The following EYS variants were observed in gnomAD, a reference collection of about 807,000 sequenced individuals.
EYS encodes the protein protein eyes shut homolog.
In EYS, 250 loss-of-function variants were observed where a neutral mutation model predicts 282.1. The ratio of observed to expected loss-of-function variants is 0.89; its 90% CI spans 0.80 to 0.98. EYS has a LOEUF of 0.98. EYS is among the 50% of genes least tolerant of loss of function. The pLI is 0.00. For missense variants in EYS, 4,016 were observed against 3,709.0 expected (o/e 1.08, Z -2.15); for synonymous variants, 1,355 against 1,282.9 (o/e 1.06, Z -1.20).
Position 64,721,482 on chromosome 6 carries a change from G to A in EYS, c.3443+91896C>T, listed in dbSNP as rs142114435. Among the ~76,000 whole-genome samples the A allele has an allele frequency of 3.3e-5, 5 of 152,226 alleles. No homozygotes were observed. The East Asian group carries it at 9.7e-4, about 29-fold the overall frequency. ...GCAGGAAATGAGATTTATTCTTTGAGAACATTAATTCCATCTTTTAACTAA... is the reference window on the plus strand; with the variant it reads ...GCAGGAAATGAGATTTATTCTTTGAAAACATTAATTCCATCTTTTAACTAA... On this transcript the variant is annotated intron_variant, in intron 22 of 42. Coordinates refer to ENST00000503581, the MANE Select transcript of EYS (RefSeq NM_001142800.2).
chr6:65,236,470 G>T (rs558798296), intron 12 of EYS, among the ~76,000 whole-genome samples: 1 of 152,172 alleles, frequency 6.6e-6, no homozygotes. Context: ...AATTAGCCGG[G>T]CATGGTGGTG....
intron 13 of EYS, among the ~76,000 whole-genome samples, chr6:65,009,579 C>G (rs985053536): frequency 1.3e-5 from 2 of 152,074 alleles, no homozygotes; most frequent in Non-Finnish European, 2.9e-5. Context: ...ACTGTTTTAC[C>G]CCAAGGGTTC....
intron 12 of EYS, among the ~76,000 whole-genome samples, chr6:65,156,545 C>T (rs570059438): frequency 6.6e-6 from 1 of 151,072 alleles, no homozygotes; most frequent in Non-Finnish European, 1.5e-5. Flanking sequence ...ATAATCATTG[C>T]TGAATATTTC....
chr6:65,468,312 G>T (rs1582335663), intron 5 of EYS, among the ~76,000 whole-genome samples: 1 of 151,964 alleles, frequency 6.6e-6, no homozygotes, highest in East Asian at 1.9e-4. Context: ...GCTTTTTGGG[G>T]CAAGAATAGG....
chr6:65,183,730 T>C (rs941155116), intron 12 of EYS, among the ~76,000 whole-genome samples: 1 of 151,856 alleles, frequency 6.6e-6, no homozygotes, highest in Non-Finnish European at 1.5e-5. Context: ...TTTGATTCTC[T>C]TGAAACAAAT....
intron 2 of EYS, among the ~76,000 whole-genome samples, chr6:65,498,048 A>C (rs1048128174): frequency 6.6e-6 from 1 of 152,076 alleles, no homozygotes; most frequent in Non-Finnish European, 1.5e-5. Flanking sequence ...CGTGAAGTCC[A>C]TAAATATTGA....
intron 35 of EYS, among the ~76,000 whole-genome samples, chr6:63,920,305 T>C (rs1454366926): frequency 6.6e-6 from 1 of 152,188 alleles, no homozygotes; most frequent in East Asian, 1.9e-4. Context: ...TAAGATCTCC[T>C]ACTGGTGGAT....
At chr6:64,285,736 G>A (rs367852724) in intron 30 of EYS, among the ~76,000 whole-genome samples, 1 of 152,182 alleles carries the variant, frequency 6.6e-6, no homozygotes, top group African/African-American at 2.4e-5. Flanking sequence ...CATAATGGGA[G>A]GTGAAAGCCC....
chr6:64,086,677 T>A (rs1183078771), intron 31 of EYS, among the ~76,000 whole-genome samples: 1 of 152,204 alleles, frequency 6.6e-6, no homozygotes, highest in Non-Finnish European at 1.5e-5. Flanking sequence ...GCAACTTTTT[T>A]AGTCTATGTA....
At chr6:64,885,754 A>T (rs1440353559) in intron 19 of EYS, among the ~76,000 whole-genome samples, 1 of 151,802 alleles carries the variant, frequency 6.6e-6, no homozygotes, top group Non-Finnish European at 1.5e-5. Flanking sequence ...CTCAGGAAAG[A>T]CACCTTCATA....
chr6:64,757,879 G>A (rs962568389), intron 22 of EYS, among the ~76,000 whole-genome samples: 2 of 151,732 alleles, frequency 1.3e-5, no homozygotes, highest in African/African-American at 2.4e-5. Context: ...TCGCCTCCCG[G>A]CTTCACGCCG....
chr6:64,537,642 T>A (rs1764567923), intron 26 of EYS, among the ~76,000 whole-genome samples: 1 of 152,188 alleles, frequency 6.6e-6, no homozygotes, highest in Non-Finnish European at 1.5e-5. Context: ...TAACACATAA[T>A]CTCTCTTGTA....
At chr6:64,009,048 C>T (rs1049332665) in intron 33 of EYS, among the ~76,000 whole-genome samples, 5 of 152,096 alleles carry the variant, frequency 3.3e-5, no homozygotes, top group Admixed American at 3.3e-4. Flanking sequence ...TGAATGATAC[C>T]CTGAAATGTT....
chr6:64,479,996 T>C (rs566882200), intron 26 of EYS, among the ~76,000 whole-genome samples: 1 of 152,002 alleles, frequency 6.6e-6, no homozygotes, highest in South Asian at 2.1e-4. Flanking sequence ...TTCAGATTGG[T>C]GTGAAAATCA....
intron 26 of EYS, among the ~76,000 whole-genome samples, chr6:64,540,930 C>G (rs1274999360): frequency 6.6e-6 from 1 of 152,124 alleles, no homozygotes; most frequent in African/African-American, 2.4e-5. Flanking sequence ...TCAAGAGATG[C>G]CTTCTACTAT....
intron 12 of EYS, among the ~76,000 whole-genome samples, chr6:65,095,270 G>A (rs760839351): frequency 2.6e-5 from 4 of 151,062 alleles, no homozygotes; most frequent in Non-Finnish European, 5.9e-5. Flanking sequence ...TTGGGGGACT[G>A]GGAGATATTA....
chr6:65,584,072 T>C (rs1214033572), intron 2 of EYS, among the ~76,000 whole-genome samples: 1 of 151,878 alleles, frequency 6.6e-6, no homozygotes, highest in Non-Finnish European at 1.5e-5. Context: ...CTATGACAAA[T>C]AGAGAAAAAC....
intron 12 of EYS, among the ~76,000 whole-genome samples, chr6:65,273,058 A>C (rs2150267722): frequency 6.6e-6 from 1 of 152,272 alleles, no homozygotes; most frequent in South Asian, 2.1e-4. Context: ...CTAATTGAAT[A>C]ATATGTGATA....
intron 14 of EYS, among the ~76,000 whole-genome samples, chr6:64,969,819 T>G (rs1770224955): frequency 6.6e-6 from 1 of 152,152 alleles, no homozygotes; most frequent in Admixed American, 6.5e-5. Context: ...GTCTAAACAA[T>G]TGTACCAAAT....
Sources: allele counts gnomAD v4.1 joint callset (sites outside exome capture counted in the v4.1 genomes callset), GRCh38; gene constraint gnomAD v4.1.1; transcripts MANE v1.5; gene names NCBI Gene and HGNC (gene_info 2026-07-23, HGNC 2026-07-21).